LPAR1: variants seen among roughly 807,000 people sequenced by gnomAD.
LPAR1 encodes the protein lysophosphatidic acid receptor 1.
A neutral mutation model predicts 23.8 loss-of-function variants in LPAR1; 5 were observed. That is an observed-to-expected ratio of 0.21 (90% CI 0.11 to 0.44). The LOEUF (loss-of-function observed/expected upper bound fraction) is 0.44. Among genes scored for constraint, LPAR1 ranks in the 20% least tolerant of loss-of-function variants. The pLI is 0.99. For synonymous variants in LPAR1, 160 were observed against 164.7 expected, an observed-to-expected ratio of 0.97 and a Z score of 0.22; for missense variants, 311 against 482.8, an observed-to-expected ratio of 0.64 and a Z score of 3.33.
At chr9:110,980,660 T>C (rs1306729801) in intron 2 of LPAR1, among the ~76,000 whole-genome samples, 1 of 151,810 alleles carries the variant, frequency 6.6e-6, no homozygotes, top group African/African-American at 2.4e-5. Context: ...GTTTGGTTAA[T>C]GGATGTACAA....
At chr9:110,887,485 A>AATCT (rs1564370226) in intron 5 of LPAR1, among the ~76,000 whole-genome samples, 17 of 152,306 alleles carry the variant, frequency 1.1e-4, no homozygotes, top group South Asian at 2.1e-4. Context: ...ATCTTTAGGA[A>AATCT]GCACAGATTC....
intron 2 of LPAR1, among the ~76,000 whole-genome samples, chr9:111,031,115 T>C (rs1228983551): frequency 6.7e-6 from 1 of 149,436 alleles, no homozygotes; most frequent in African/African-American, 2.4e-5. Context: ...TCTATAGTGT[T>C]TGAATCATTG....
At chr9:110,899,834 A>G (rs1181344732) in intron 5 of LPAR1, among the ~76,000 whole-genome samples, 3 of 152,098 alleles carry the variant, frequency 2.0e-5, no homozygotes, top group Non-Finnish European at 4.4e-5. Context: ...TTCTTGTGGG[A>G]CTGGTCATTC....
chr9:110,998,879 T>C (rs2097074264), intron 2 of LPAR1, among the ~76,000 whole-genome samples: 1 of 152,298 alleles, frequency 6.6e-6, no homozygotes, highest in East Asian at 1.9e-4. Context: ...TCTTAAGTTA[T>C]CAAATCATAG....
intron 5 of LPAR1, among the ~76,000 whole-genome samples, chr9:110,879,140 G>A (rs775715375): frequency 1.3e-5 from 2 of 152,142 alleles, no homozygotes; most frequent in East Asian, 1.9e-4. Context: ...GGAAGGGCCC[G>A]GTGCGGGAGC....
At chr9:111,008,179 A>AC (rs945375243) in intron 2 of LPAR1, among the ~76,000 whole-genome samples, 1 of 152,110 alleles carries the variant, frequency 6.6e-6, no homozygotes, top group African/African-American at 2.4e-5. Context: ...ATCTCAAAAA[A>AC]AAAAAATCTT....
intron 2 of LPAR1, among the ~76,000 whole-genome samples, chr9:111,029,636 T>C (rs761594499): frequency 1.3e-5 from 2 of 152,156 alleles, no homozygotes; most frequent in Non-Finnish European, 2.9e-5. Flanking sequence ...GCTCTTTGTT[T>C]GAAACTTGGT....
chr9:110,915,071 G>T (rs2092927248), intron 5 of LPAR1, among the ~76,000 whole-genome samples: 1 of 152,080 alleles, frequency 6.6e-6, no homozygotes, highest in Non-Finnish European at 1.5e-5. Context: ...TGCAGACATT[G>T]TCCTTAAGGA....
intron 5 of LPAR1, among the ~76,000 whole-genome samples, chr9:110,915,401 G>A (rs1293689971): frequency 6.6e-6 from 1 of 152,088 alleles, no homozygotes; most frequent in Non-Finnish European, 1.5e-5. Context: ...GCCAGGGGTG[G>A]TGGCATGTGC....
chr9:111,015,112 C>T (rs551754185), intron 2 of LPAR1, among the ~76,000 whole-genome samples: 1 of 152,238 alleles, frequency 6.6e-6, no homozygotes, highest in African/African-American at 2.4e-5. Context: ...AAGAGAGAGG[C>T]CTCAGAAGAA....
chr9:110,968,889 G>T (rs2096311598), intron 4 of LPAR1, among the ~76,000 whole-genome samples: 1 of 152,070 alleles, frequency 6.6e-6, no homozygotes, highest in South Asian at 2.1e-4. Flanking sequence ...ACCCTATCAG[G>T]TTGGCTTCAT....
rs7853741 is a variant in LPAR1 at position 111,009,019 on chromosome 9, C to T, written c.-182+27103G>A. 9.7e-3 allele frequency among the ~76,000 whole-genome samples: 1,472 copies of T among 152,210 alleles called. 23 individuals carry two copies. Among genetic ancestry groups the T allele is most frequent in the African/African-American group, 0.033 (1,376 of 41,538 alleles). On this transcript the variant is annotated intron_variant, in intron 2 of 5. Transcript: ENST00000683809. ...TACAAGAGTCATCAAAAAGAACAAACAGTCGAAGCAGACTTACAAAGTCTA... is the reference window on the plus strand; with the variant it reads ...TACAAGAGTCATCAAAAAGAACAAATAGTCGAAGCAGACTTACAAAGTCTA...
At chr9:110,996,421 AT>A (rs898424114) in intron 2 of LPAR1, among the ~76,000 whole-genome samples, 2 of 151,986 alleles carry the variant, frequency 1.3e-5, no homozygotes, top group Non-Finnish European at 2.9e-5. Context: ...ATATAAAAAT[AT>A]TTTTTAAAGG....
intron 2 of LPAR1, among the ~76,000 whole-genome samples, chr9:110,993,819 C>T (rs1294912726): frequency 1.3e-5 from 2 of 152,084 alleles, no homozygotes; most frequent in Non-Finnish European, 2.9e-5. Context: ...TTACCTTGAG[C>T]AGACAGTTAA....
intron 5 of LPAR1, among the ~76,000 whole-genome samples, chr9:110,908,545 T>C (rs2091812617): frequency 6.6e-6 from 1 of 152,192 alleles, no homozygotes; most frequent in African/African-American, 2.4e-5. Context: ...TACATTTTAG[T>C]AACTGCATTG....
At chr9:111,027,885 CAAAAAAAAAA>C (rs10594862) in intron 2 of LPAR1, among the ~76,000 whole-genome samples, 6 of 56,668 alleles carry the variant, frequency 1.1e-4, no homozygotes, top group African/African-American at 3.5e-4. Context: ...CACAAGTCCT[CAAAAAAAAAA>C]AAAAAAAAAA....
At chr9:110,915,478 G>A (rs2092984095) in intron 5 of LPAR1, among the ~76,000 whole-genome samples, 1 of 152,142 alleles carries the variant, frequency 6.6e-6, no homozygotes, top group South Asian at 2.1e-4. Flanking sequence ...CCTGGGAGGT[G>A]GAGGTTGTAG....
intron 4 of LPAR1, among the ~76,000 whole-genome samples, chr9:110,960,322 A>G (rs1272750719): frequency 5.3e-5 from 8 of 152,232 alleles, no homozygotes; most frequent in Admixed American, 5.2e-4. Flanking sequence ...GTAAACATGT[A>G]CAAATATTAT....
At chr9:110,951,769 TA>T (rs373795176) in intron 4 of LPAR1, among the ~76,000 whole-genome samples, 2,453 of 150,302 alleles carry the variant, frequency 0.016, 65 homozygotes, top group African/African-American at 0.055. Context: ...AACCCTAGTT[TA>T]AAAAAAAAAT....
Sources: allele counts gnomAD v4.1 joint callset (sites outside exome capture counted in the v4.1 genomes callset), GRCh38; gene constraint gnomAD v4.1.1; transcripts MANE v1.5; gene names NCBI Gene and HGNC (gene_info 2026-07-23, HGNC 2026-07-21).